ZNF274: variants seen among roughly 807,000 people sequenced by gnomAD.
ZNF274 encodes the protein zinc finger protein 274.
ZNF274 carries 23 observed loss-of-function variants against 42.5 expected under a neutral mutation model. The observed-to-expected ratio is 0.54, with a 90% CI of 0.39 to 0.77. ZNF274 has a LOEUF of 0.77. Ranked by LOEUF, ZNF274 falls within the 30% of genes least tolerant of loss-of-function variation. The probability of loss-of-function intolerance (pLI) is 0.00; values close to 1 mark genes in which losing one functional copy is unlikely to be tolerated. For synonymous variants in ZNF274, 292 were observed against 305.4 expected (o/e 0.96, Z 0.46); for missense variants, 679 against 806.5 (o/e 0.84, Z 1.91).
intron 4 of ZNF274, among the ~76,000 whole-genome samples, chr19:58,203,579 CAAAAAAA>C (rs34444681): frequency 1.9e-4 from 15 of 80,308 alleles, no homozygotes; most frequent in African/African-American, 2.5e-4. Flanking sequence ...AACTCCGTCT[CAAAAAAA>C]AAAAAAAAAA....
chr19:58,207,031 C>G lies in ZNF274; in HGVS notation c.568C>G (p.Leu190Val), dbSNP rs746340539. 5.6e-6 allele frequency: 9 copies of G among 1,612,296 alleles called. No homozygotes were observed. The Admixed American group carries it at 1.3e-4, about 24-fold the overall frequency. ...GCTCCGAGAGCTGTGTCACCAGTGGCTACAGCCTAAGGCACGCTCCAAGGA... is the reference window on the plus strand; with the variant it reads ...GCTCCGAGAGCTGTGTCACCAGTGGGTACAGCCTAAGGCACGCTCCAAGGA... ...DQLRELCHQW[L>V]QPKARSKEQI... The change falls in exon 5 of 8, where the codon CTA becomes GTA. Residue 190 changes from leucine (L) to valine (V), a missense_variant. By Grantham distance (32) the Leu-to-Val change is conservative. This residue lies in a region of ZNF274 where 456 missense variants were observed against 590.1 expected (regional missense o/e 0.77). Coordinates refer to ENST00000617501, the MANE Select transcript of ZNF274 (RefSeq NM_133502.3). This position sits in a 1 kb window ranked among gnomAD's most constrained non-coding sequence, Gnocchi z 5.6.
Position 58,208,599 on chromosome 19 carries a change from C to T in ZNF274, c.740-1362C>T, listed in dbSNP as rs2076004798. 1 of 152,182 alleles carries T rather than the reference C, an allele frequency of 6.6e-6. No individual in the cohort carries two copies. Among genetic ancestry groups the T allele is most frequent in the African/African-American group, 2.4e-5 (1 of 41,424 alleles). The allele number at this position is 152,182 out of a possible 1,614,324, so 9.4% of individuals were successfully genotyped here. A position where few individuals can be genotyped will look rare whatever the true frequency, so the allele number is the denominator to read the frequency against. On this transcript the variant is annotated intron_variant, in intron 5 of 7. Coordinates refer to ENST00000617501, the MANE Select transcript of ZNF274 (RefSeq NM_133502.3). This position sits in a 1 kb window ranked among gnomAD's most constrained non-coding sequence, Gnocchi z 4.5. ...GCTGATAGAGGAAGAAGCCATAAGC[C>T]AAATGTTTGGGGCAGCCTCTAGAAG... is the stretch of plus-strand genomic sequence containing the variant.
Position 58,212,899 on chromosome 19 carries a change from A to G in ZNF274, c.1718A>G (p.Asn573Ser), listed in dbSNP as rs375978076. 48 of 1,613,974 alleles carry G rather than the reference A, an allele frequency of 3.0e-5. No homozygotes were observed. The highest frequency in any genetic ancestry group is 3.7e-5 in the Non-Finnish European group (44 of 1,179,888). ...TGTCAGGAGTGTGGGAGGACCTTCA[A>G]TGATCGCTCAGCCATCTCCCAGCAC... is the stretch of plus-strand genomic sequence containing the variant. Reference protein sequence around the residue: ...FECQECGRTFNDRSAISQHLR... With the variant: ...FECQECGRTFSDRSAISQHLR... Residue 573 changes from asparagine (N) to serine (S), a missense_variant, in exon 8 of 8, where the codon AAT becomes AGT. Physicochemically the swap from Asn to Ser is conservative, Grantham distance 46. Coordinates refer to ENST00000617501, the MANE Select transcript of ZNF274 (RefSeq NM_133502.3). This position sits in a 1 kb window ranked among gnomAD's most constrained non-coding sequence, Gnocchi z 4.6.
chr19:58,212,949 C>T lies in ZNF274; in HGVS notation c.1768C>T (p.Pro590Ser). The change falls in exon 8 of 8, where the codon CCC (proline) becomes TCC (serine). Residue 590 changes from proline to serine, a missense_variant. Pro to Ser is a moderately conservative substitution (Grantham distance 74, BLOSUM62 -1). Transcript: ENST00000617501. This position sits in a 1 kb window ranked among gnomAD's most constrained non-coding sequence, Gnocchi z 4.6. ...QHLRTHTGAK[P>S]YKCQDCGKAF... ...CCTGAGGACTCACACTGGCGCTAAG[C>T]CCTACAAGTGTCAGGACTGTGGAAA... 2 of 1,614,016 alleles carry T rather than the reference C, an allele frequency of 1.2e-6. No homozygotes were observed. Among genetic ancestry groups the T allele is most frequent in the Non-Finnish European group, 1.7e-6 (2 of 1,179,892 alleles).
At position 58,183,275 on chromosome 19, in the gene ZNF274, C is replaced by G. The variant is rs1464658712; in HGVS notation, c.-213C>G. 1 of 152,394 alleles carries G rather than the reference C, an allele frequency of 6.6e-6. No homozygotes were observed. Among genetic ancestry groups the G allele is most frequent in the Non-Finnish European group, 1.5e-5 (1 of 68,116 alleles). The allele number at this position is 152,394 out of a possible 1,614,324, so 9.4% of individuals were successfully genotyped here. A position where few individuals can be genotyped will look rare whatever the true frequency, so the allele number is the denominator to read the frequency against. On this transcript the variant is annotated 5_prime_UTR_variant, in exon 1 of 8. Transcript: ENST00000617501. The stretch of plus-strand genomic sequence containing the variant: ...GAGGGACATCGACGAGTATCCTCCT[C>G]CTGCTGTCCCCGGCTTCGCCTGCCG...
At chr19:58,195,759 C>T (rs2075834466) in intron 4 of ZNF274, among the ~76,000 whole-genome samples, 2 of 152,066 alleles carry the variant, frequency 1.3e-5, no homozygotes, top group South Asian at 4.1e-4. Context: ...TGTTCCACCC[C>T]AGATCATGAG....
At chr19:58,198,019 G>A (rs1394730652) in intron 4 of ZNF274, among the ~76,000 whole-genome samples, 2 of 152,048 alleles carry the variant, frequency 1.3e-5, no homozygotes, top group Non-Finnish European at 2.9e-5. Flanking sequence ...TAGTAATTAA[G>A]AAGGAAAACA....
rs756141821 is a variant in ZNF274 at position 58,211,612 on chromosome 19, G to A, written c.905G>A (p.Gly302Glu). 1.2e-6 allele frequency: 2 copies of A among 1,613,764 alleles called. No individual in the cohort carries two copies. The highest frequency in any genetic ancestry group is 1.1e-5 in the South Asian group (1 of 91,058). Reference protein sequence around the residue: ...VAVDFSREEWGLLGPTQRTEY... With the variant: ...VAVDFSREEWELLGPTQRTEY... ...GTGGACTTCAGCCGGGAGGAGTGGG[G>A]GCTGCTGGGCCCGACACAGAGGACC... is the stretch of plus-strand genomic sequence containing the variant. Residue 302 changes from glycine to glutamate, a missense_variant, in exon 7 of 8, where the codon GGG becomes GAG. By Grantham distance (98) the Gly-to-Glu change is moderately conservative. Transcript: ENST00000617501. This position sits in a 1 kb window ranked among gnomAD's most constrained non-coding sequence, Gnocchi z 4.8.
In ZNF274 at chr19:58,185,808, C is replaced by G; in HGVS notation, c.130C>G (p.Leu44Val). The change falls in exon 3 of 8, where the codon CTG becomes GTG. Residue 44 changes from leucine (L) to valine (V), a missense_variant. Physicochemically the swap from Leu to Val is conservative, Grantham distance 32. Around this residue, in one of 2 missense-constraint regions of ZNF274, gnomAD observed 223 missense variants for 216.4 expected, o/e 1.03. Transcript: ENST00000617501. ...KQKSLYREVM[L>V]ENYRNLVSVE... Reference sequence around the variant, plus strand: ...GAAGTCCCTGTACAGGGAAGTGATGCTGGAGAACTACAGGAACCTGGTCTC... The same window carrying G: ...GAAGTCCCTGTACAGGGAAGTGATGGTGGAGAACTACAGGAACCTGGTCTC... 7.0e-7 allele frequency: 1 copy of G among 1,419,574 alleles called. No individual in the cohort carries two copies. Among genetic ancestry groups the G allele is most frequent in the Non-Finnish European group, 9.3e-7 (1 of 1,076,934 alleles). The allele number at this position is 1,419,574 out of a possible 1,614,324, so 87.9% of individuals were successfully genotyped here.
intron 4 of ZNF274, among the ~76,000 whole-genome samples, chr19:58,189,445 G>A (rs541015846): frequency 3.9e-5 from 6 of 152,092 alleles, no homozygotes; most frequent in Non-Finnish European, 7.4e-5. Context: ...CTGGAATTTC[G>A]TTTTATATAT....
At chr19:58,203,675 C>T (rs2075944757) in intron 4 of ZNF274, among the ~76,000 whole-genome samples, 1 of 151,852 alleles carries the variant, frequency 6.6e-6, no homozygotes, top group South Asian at 2.1e-4. Context: ...CGAAGTAAGT[C>T]CCCAGAAGTC....
rs773887774 is a variant in ZNF274, at chr19:58,186,906, A to G, written c.161-41A>G. ...GCAGTAGGATAGCATTTTCTCCTGA[A>G]CACAGACCCCCACAAGCCCTGTCTC... On this transcript the variant is annotated intron_variant, in intron 3 of 7. Coordinates refer to ENST00000617501, the MANE Select transcript of ZNF274 (RefSeq NM_133502.3). The G allele has an allele frequency of 4.5e-6, 7 of 1,571,630 alleles. No individual in the cohort carries two copies. The East Asian group carries it at 1.6e-4, about 35-fold the overall frequency.
chr19:58,206,166 T>C (rs1415490185), intron 4 of ZNF274, among the ~76,000 whole-genome samples: 1 of 152,260 alleles, frequency 6.6e-6, no homozygotes, highest in African/African-American at 2.4e-5. Flanking sequence ...GGACATTTCA[T>C]ATAATATGTG....
At position 58,212,212 on chromosome 19, in the gene ZNF274, C is replaced by G; in HGVS notation, c.1031C>G (p.Pro344Arg). Residue 344 changes from proline (P) to arginine (R), a missense_variant, in exon 8 of 8, where the codon CCT becomes CGT. Transcript: ENST00000617501. This position sits in a 1 kb window ranked among gnomAD's most constrained non-coding sequence, Gnocchi z 4.6. ...NKELAPNSDI[P>R]EEEPAPSLKV... ...GAGTTAGCTCCAAATTCTGACATTCCTGAGGAAGAACCAGCCCCCAGCCTG... is the reference window on the plus strand; with the variant it reads ...GAGTTAGCTCCAAATTCTGACATTCGTGAGGAAGAACCAGCCCCCAGCCTG... 6.2e-7 allele frequency: 1 copy of G among 1,612,534 alleles called. No individual in the cohort carries two copies. Among genetic ancestry groups the G allele is most frequent in the South Asian group, 1.1e-5 (1 of 91,048 alleles).
chr19:58,184,136 G>GCCCA, intron 2 of ZNF274, 138 bp downstream of exon 2: 1 of 939,802 alleles, frequency 1.1e-6, no homozygotes, highest in Non-Finnish European at 1.6e-6. Context: ...GGTTGGGCAT[G>GCCCA]AGAGATCCTG....
chr19:58,205,834 G>A (rs1327021905), intron 4 of ZNF274, among the ~76,000 whole-genome samples: 2 of 152,156 alleles, frequency 1.3e-5, no homozygotes, highest in Non-Finnish European at 2.9e-5. Context: ...GTTGGAGAAG[G>A]TTCTTTTTCC....
chr19:58,203,591 A>AAG (rs1555819836), intron 4 of ZNF274, among the ~76,000 whole-genome samples: 98 of 150,188 alleles, frequency 6.5e-4, no homozygotes, highest in East Asian at 4.7e-3. Context: ...AAAAAAAAAA[A>AAG]AAAAAGAAAA....
chr19:58,201,893 T>C (rs2075916411), intron 4 of ZNF274, among the ~76,000 whole-genome samples: 1 of 152,158 alleles, frequency 6.6e-6, no homozygotes, highest in African/African-American at 2.4e-5. Flanking sequence ...TGTCATTGAT[T>C]CAAAAACTGA....
chr19:58,194,370 C>CTT (rs1568701207), intron 4 of ZNF274, among the ~76,000 whole-genome samples: 4 of 107,622 alleles, frequency 3.7e-5, no homozygotes, highest in African/African-American at 1.4e-4. Context: ...TTGTTTTTTA[C>CTT]CTTTTTTTTT....
Sources: allele counts gnomAD v4.1 joint callset (sites outside exome capture counted in the v4.1 genomes callset), GRCh38; gene constraint gnomAD v4.1.1; regional missense constraint gnomAD v4.1.1; non-coding constraint Gnocchi (gnomAD v3.1); transcripts MANE v1.5; gene names NCBI Gene and HGNC (gene_info 2026-07-23, HGNC 2026-07-21).